Variants in ABCB8 observed in about 807,000 individuals in gnomAD.
The protein encoded by ABCB8 is ATP binding cassette subfamily B member 8.
A neutral mutation model predicts 73.0 loss-of-function variants in ABCB8; 52 were observed. The observed-to-expected ratio is 0.71, with a 90% CI of 0.57 to 0.90. ABCB8 has a LOEUF of 0.90. Among genes scored for constraint, ABCB8 ranks in the 40% least tolerant of loss-of-function variants. The pLI, the probability that ABCB8 is intolerant of heterozygous loss-of-function variation, is 0.00. For synonymous variants in ABCB8, 428 were observed against 423.5 expected (o/e 1.01, Z -0.13); for missense variants, 909 against 974.6 (o/e 0.93, Z 0.90).
intron 10 of ABCB8, 50 bp downstream of exon 10, chr7:151,040,351 T>G: frequency 1.2e-6 from 2 of 1,606,380 alleles, no homozygotes; most frequent in Non-Finnish European, 1.7e-6. Flanking sequence ...TTGTGCCGTG[T>G]GTGCCGCTGT....
intron 1 of ABCB8, among the ~76,000 whole-genome samples, chr7:151,030,968 T>A (rs2085802265): frequency 6.6e-6 from 1 of 152,104 alleles, no homozygotes; most frequent in Non-Finnish European, 1.5e-5. Flanking sequence ...TCAGAATACA[T>A]GTTAAGAATT....
Position 151,044,246 on chromosome 7 carries a change from C to T in ABCB8, c.2016+25C>T, listed in dbSNP as rs746277576. The T allele has an allele frequency of 3.8e-6, 6 of 1,589,480 alleles. No individual in the cohort carries two copies. In the South Asian group the frequency reaches 5.5e-5, roughly 15 times the overall value. ...GGTTAGTTGTCCTGGGGGCGTGGAT[C>T]AGTGGGTTGAGGATGGCTTCATCAC... On this transcript the variant is annotated intron_variant, in intron 15 of 15. Transcript: ENST00000358849.
rs764153515 is a variant in ABCB8 at position 151,045,220 on chromosome 7, T to C, written c.2028T>C (p.His676=). ...ADGRVWEAGT[H]EELLKKGGLY... The stretch of plus-strand genomic sequence containing the variant: ...CTCCCATCTTCCAGGCTGGGACACA[T>C]GAAGAGCTCCTGAAGAAAGGCGGGC... Residue 676 remains histidine (H), a synonymous_variant, in exon 16 of 16, where the codon CAT becomes CAC. Coordinates refer to ENST00000358849, the MANE Select transcript of ABCB8 (RefSeq NM_007188.5). The C allele has an allele frequency of 1.9e-6, 3 of 1,585,906 alleles. No individual in the cohort carries two copies. The highest frequency in any genetic ancestry group is 2.6e-6 in the Non-Finnish European group (3 of 1,164,264).
In ABCB8 at chr7:151,045,307, C is replaced by T. The variant is rs1224761930; in HGVS notation, c.2115C>T (p.Pro705=). 1.3e-6 allele frequency: 2 copies of T among 1,598,248 alleles called. No individual in the cohort carries two copies. The highest frequency in any genetic ancestry group is 1.7e-6 in the Non-Finnish European group (2 of 1,172,290). ...CCCCGAGGACAGCGGCCCCACCGCC[C>T]AAAAAGCCAGAAGGCCCCAGGAGCC... The part of the protein sequence containing the change: ...LDAPRTAAPP[P]KKPEGPRSHQ... The change falls in exon 16 of 16, where the codon CCC becomes CCT. Residue 705 remains proline (P), a synonymous_variant. Coordinates refer to ENST00000358849, the MANE Select transcript of ABCB8 (RefSeq NM_007188.5).
intron 9 of ABCB8, chr7:151,037,298 T>C (rs1796336568): frequency 2.8e-6 from 2 of 702,912 alleles, no homozygotes; most frequent in Non-Finnish European, 5.2e-6. Flanking sequence ...TGACATTCCA[T>C]GCATGGAAGG....
intron 13 of ABCB8, 123 bp downstream of exon 13, chr7:151,041,355 C>T: frequency 3.0e-6 from 4 of 1,321,992 alleles, no homozygotes; most frequent in South Asian, 3.0e-5. Context: ...TCGGGAGACC[C>T]TGGCCGTCTT....
In ABCB8 at chr7:151,046,810, G is replaced by A. The variant is rs907750374; in HGVS notation, c.*1461G>A. On this transcript the variant is annotated 3_prime_UTR_variant, in exon 16 of 16. Transcript: ENST00000358849. The stretch of plus-strand genomic sequence containing the variant: ...CAGCAGTGGCTCAAGTTTGCGTGCA[G>A]GAGCCAGAGTGGGACCCACGGGCTC... 1 of 152,308 alleles carries A rather than the reference G, an allele frequency of 6.6e-6. No homozygotes were observed. The highest frequency in any genetic ancestry group is 2.4e-5 in the African/African-American group (1 of 41,452). The allele number at this position is 152,308 out of a possible 1,614,324, so 9.4% of individuals were successfully genotyped here.
rs546835437 is a variant in ABCB8, at chr7:151,034,038, G to A, written c.408+121G>A. 3 of 1,306,196 alleles carry A rather than the reference G, an allele frequency of 2.3e-6. No homozygotes were observed. In the African/African-American group the frequency reaches 4.5e-5, roughly 20 times the overall value. The allele number at this position is 1,306,196 out of a possible 1,614,324, so 80.9% of individuals were successfully genotyped here. A position where few individuals can be genotyped will look rare whatever the true frequency, so the allele number is the denominator to read the frequency against. On this transcript the variant is annotated intron_variant, in intron 2 of 15. Transcript: ENST00000358849. ...TCAGGGGAGCAGCAAGGGCTAGCCA[G>A]GGGTCCAGGGGTGCCAGGAGCATCA...
intron 1 of ABCB8, among the ~76,000 whole-genome samples, chr7:151,032,390 A>G (rs1282092948): frequency 6.6e-6 from 1 of 152,200 alleles, no homozygotes; most frequent in Non-Finnish European, 1.5e-5. Context: ...ACCTGCACAC[A>G]GTAGGTTCAA....
chr7:151,038,959 G>A (rs1207033559), intron 9 of ABCB8: 4 of 152,236 alleles, frequency 2.6e-5, no homozygotes, highest in Non-Finnish European at 5.9e-5. Context: ...AGGGGAGCAG[G>A]ATGGCCCGGC....
In ABCB8 at chr7:151,028,492, C is replaced by G. The variant is rs778209247; in HGVS notation, c.-24C>G. 1 of 1,603,966 alleles carries G rather than the reference C, an allele frequency of 6.2e-7. No homozygotes were observed. The highest frequency in any genetic ancestry group is 1.1e-5 in the South Asian group (1 of 89,366). ...ATGAGGGTGAAACTGCTATTGCCGG[C>G]GGCTCCTGTTTTACCGCGTCAGCAT... On this transcript the variant is annotated 5_prime_UTR_variant, in exon 1 of 16. Transcript: ENST00000358849.
chr7:151,031,197 G>T, intron 1 of ABCB8: 1 of 1,217,958 alleles, frequency 8.2e-7, no homozygotes, highest in South Asian at 1.3e-5. Context: ...TTATGTACCG[G>T]AGTTCTGCCA....
intron 1 of ABCB8, among the ~76,000 whole-genome samples, chr7:151,030,162 T>C (rs1297672969): frequency 1.3e-5 from 2 of 152,238 alleles, no homozygotes; most frequent in Non-Finnish European, 2.9e-5. Flanking sequence ...TATATATGTG[T>C]TCATTAGTCA....
intron 1 of ABCB8, chr7:151,031,559 C>A (rs1461577960): frequency 1.7e-5 from 6 of 356,720 alleles, no homozygotes; most frequent in Non-Finnish European, 2.6e-5. Context: ...ATCTCACCAT[C>A]CTCTCCTGGC....
intron 1 of ABCB8, chr7:151,031,459 G>A (rs1796160353): frequency 1.2e-6 from 1 of 848,422 alleles, no homozygotes; most frequent in Non-Finnish European, 1.7e-6. Flanking sequence ...AGGGTCTAGG[G>A]ATGTGAAAGG....
rs1796622850 is a variant in ABCB8 at position 151,046,712 on chromosome 7, AC to A, written c.*1366del. On this transcript the variant is annotated 3_prime_UTR_variant, in exon 16 of 16. Coordinates refer to ENST00000358849, the MANE Select transcript of ABCB8 (RefSeq NM_007188.5). ...TTTACCCTGTGTAAAGAAGGGTGGT[AC>A]CCTCTTTCAGGGGTGTGATACAGTG... 6.6e-6 allele frequency: 1 copy of A among 152,198 alleles called. No individual in the cohort carries two copies. Among genetic ancestry groups the A allele is most frequent in the South Asian group, 2.1e-4 (1 of 4,832 alleles). 9.4% of individuals were successfully genotyped at this position (152,198 alleles called of 1,614,324 possible).
At chr7:151,035,813 C>A in intron 6 of ABCB8, 69 bp from the exon 7 acceptor site, 1 of 1,610,114 alleles carries the variant, frequency 6.2e-7, no homozygotes, top group Non-Finnish European at 8.5e-7. Context: ...GGAACTCCTC[C>A]CTGTCCCCAT....
chr7:151,044,266 C>A (rs748919172), intron 15 of ABCB8, 45 bp downstream of exon 15: 1 of 1,577,492 alleles, frequency 6.3e-7, no homozygotes, highest in South Asian at 1.1e-5. Context: ...AGGATGGCTT[C>A]ATCACGGACA....
intron 9 of ABCB8, chr7:151,037,481 C>T: frequency 3.2e-6 from 2 of 616,498 alleles, no homozygotes; most frequent in South Asian, 3.8e-5. Context: ...CACCAGACAG[C>T]TCAAGGCGGG....
Sources: gnomAD v4.1 joint callset for allele counts (sites outside exome capture counted in the v4.1 genomes callset) on GRCh38, gnomAD v4.1.1 for gene constraint, MANE v1.5 for transcripts, NCBI Gene and HGNC (gene_info 2026-07-23, HGNC 2026-07-21) for gene names.